The following RAPGEF5 variants were observed in gnomAD, a reference collection of about 807,000 sequenced individuals.
RAPGEF5 encodes the protein Rap guanine nucleotide exchange factor 5.
RAPGEF5 carries 65 observed loss-of-function variants against 125.2 expected under a neutral mutation model. That is an observed-to-expected ratio of 0.52 (90% CI 0.43 to 0.64). The LOEUF is 0.64. Ranked by LOEUF, RAPGEF5 falls within the 30% of genes least tolerant of loss-of-function variation. RAPGEF5 has a pLI of 0.00. For synonymous variants in RAPGEF5, 391 were observed against 385.9 expected (o/e 1.01, Z -0.16); for missense variants, 958 against 1,048.1 (o/e 0.91, Z 1.19).
At chr7:22,190,187 G>A (rs1372573072) in intron 11 of RAPGEF5, among the ~76,000 whole-genome samples, 2 of 152,122 alleles carry the variant, frequency 1.3e-5, no homozygotes, top group African/African-American at 2.4e-5. Context: ...GGCTGAGGCA[G>A]GAGAATCGCT....
intron 13 of RAPGEF5, among the ~76,000 whole-genome samples, chr7:22,161,994 G>C (rs1381652811): frequency 2.6e-5 from 4 of 152,110 alleles, no homozygotes; most frequent in Non-Finnish European, 4.4e-5. Flanking sequence ...ACAAATTATT[G>C]CTTAAAATTC....
At chr7:22,140,253 C>T in intron 20 of RAPGEF5, 138 bp from the exon 21 acceptor site, 1 of 699,894 alleles carries the variant, frequency 1.4e-6, no homozygotes, top group Non-Finnish European at 2.4e-6. Context: ...CCCCTTACTG[C>T]CCTTCAGCTG....
intron 5 of RAPGEF5, among the ~76,000 whole-genome samples, chr7:22,304,655 G>A: frequency 6.6e-6 from 1 of 152,110 alleles, no homozygotes; most frequent in East Asian, 1.9e-4. Flanking sequence ...CATGCACATG[G>A]GATTATGCAC....
intron 1 of RAPGEF5, among the ~76,000 whole-genome samples, chr7:22,339,826 C>T (rs1784092849): frequency 6.6e-6 from 1 of 152,184 alleles, no homozygotes; most frequent in African/African-American, 2.4e-5. Context: ...CATATGTATC[C>T]TTTGACCAAG....
intron 25 of RAPGEF5, among the ~76,000 whole-genome samples, chr7:22,124,712 A>G (rs1255735874): frequency 6.6e-6 from 1 of 152,192 alleles, no homozygotes. Context: ...ATGAAGTTGA[A>G]CTGAGTGGTT....
At position 22,224,522 on chromosome 7, in the gene RAPGEF5, A is replaced by G. The variant is rs1287191984; in HGVS notation, c.871-4531T>C. On this transcript the variant is annotated intron_variant, in intron 8 of 25. Transcript: ENST00000665637. ...TGGCGGTGGAGGGAGGATGCTAATGACCCTCCAAAATGCCAACCTGGAAAC... is the reference window on the plus strand; with the variant it reads ...TGGCGGTGGAGGGAGGATGCTAATGGCCCTCCAAAATGCCAACCTGGAAAC... 2.0e-5 allele frequency among the ~76,000 whole-genome samples: 3 copies of G among 152,000 alleles called. No homozygotes were observed. The East Asian group carries it at 5.8e-4, about 29-fold the overall frequency.
rs541174409 is a variant in RAPGEF5, at chr7:22,225,133, G to A, written c.871-5142C>T. On this transcript the variant is annotated intron_variant, in intron 8 of 25. Transcript: ENST00000665637. ...TGATCACACCAATGCACTCCAGCCT[G>A]GGCAAAAGAGTGAGACTCTGTTTCT... 7.9e-5 allele frequency among the ~76,000 whole-genome samples: 12 copies of A among 152,114 alleles called. No individual in the cohort carries two copies. The South Asian group carries it at 2.5e-3, about 32-fold the overall frequency.
At chr7:22,229,781 T>G (rs1166476751) in intron 8 of RAPGEF5, among the ~76,000 whole-genome samples, 1 of 152,204 alleles carries the variant, frequency 6.6e-6, no homozygotes, top group Non-Finnish European at 1.5e-5. Flanking sequence ...CTGCCTTCCT[T>G]CCTAACCAGC....
intron 9 of RAPGEF5, among the ~76,000 whole-genome samples, chr7:22,206,401 T>C (rs1480640221): frequency 2.6e-5 from 4 of 152,178 alleles, no homozygotes; most frequent in Non-Finnish European, 5.9e-5. Flanking sequence ...ATCACAGCTA[T>C]ATTAAAAAAT....
intron 11 of RAPGEF5, among the ~76,000 whole-genome samples, chr7:22,177,460 C>T (rs1313035856): frequency 6.6e-6 from 1 of 152,210 alleles, no homozygotes; most frequent in Non-Finnish European, 1.5e-5. Flanking sequence ...TCTGGCCATG[C>T]ACCAGGTAGC....
At chr7:22,197,895 G>GGT (rs1554327475) in intron 9 of RAPGEF5, among the ~76,000 whole-genome samples, 2 of 129,434 alleles carry the variant, frequency 1.5e-5, no homozygotes, top group Non-Finnish European at 3.4e-5. Flanking sequence ...TTTTTTTTTG[G>GGT]GGGGGGGTGG....
chr7:22,169,978 T>C (rs1478673745), intron 11 of RAPGEF5, among the ~76,000 whole-genome samples: 1 of 150,874 alleles, frequency 6.6e-6, no homozygotes, highest in East Asian at 1.9e-4. Context: ...GCCACTGCAC[T>C]TTAGCCTGGG....
intron 8 of RAPGEF5, 163 bp from the exon 9 acceptor site, chr7:22,220,154 T>C (rs1785750127): frequency 1.1e-6 from 1 of 879,710 alleles, no homozygotes; most frequent in African/African-American, 1.7e-5. Flanking sequence ...GTTACATTAT[T>C]ATAACCTAAG....
chr7:22,156,934 C>T (rs1351083937), intron 15 of RAPGEF5, 46 bp from the exon 16 acceptor site: 1 of 1,609,958 alleles, frequency 6.2e-7, no homozygotes, highest in South Asian at 1.1e-5. Flanking sequence ...CATTCCTGCC[C>T]TTTGGAAAAC....
intron 6 of RAPGEF5, among the ~76,000 whole-genome samples, chr7:22,286,130 C>A (rs569807458): frequency 1.3e-5 from 2 of 152,174 alleles, no homozygotes; most frequent in African/African-American, 4.8e-5. Context: ...ATGGATAACG[C>A]GTCTGACTAC....
intron 23 of RAPGEF5, among the ~76,000 whole-genome samples, chr7:22,131,868 T>A (rs1187598676): frequency 6.6e-6 from 1 of 152,148 alleles, no homozygotes; most frequent in Non-Finnish European, 1.5e-5. Context: ...GATTTGGAAA[T>A]TAGTTACATT....
chr7:22,145,124 C>T lies in RAPGEF5; in HGVS notation c.2106G>A (p.Trp702Ter), dbSNP rs1232944134. The T allele has an allele frequency of 5.0e-6, 8 of 1,613,702 alleles. No homozygotes were observed. The highest frequency in any genetic ancestry group is 1.3e-5 in the African/African-American group (1 of 74,932). ...LLQRCNEVQLWVATEILLCSQ... is the reference protein window; with the variant it reads ...LLQRCNEVQL ...TGCAGAGCAGAATCTCCGTGGCCACCCAAAGCTGGACCTCATTGCATCTCT... is the reference window on the plus strand; with the variant it reads ...TGCAGAGCAGAATCTCCGTGGCCACTCAAAGCTGGACCTCATTGCATCTCT... The change falls in exon 20 of 26, where the codon TGG becomes TGA. Residue 702 changes from tryptophan to a stop codon, truncating the protein, a stop_gained. Transcript: ENST00000665637. LOFTEE classifies it high-confidence loss of function.
Position 22,118,996 on chromosome 7 carries a change from G to C in RAPGEF5, c.*3410C>G, listed in dbSNP as rs1237232034. 6.9e-6 allele frequency: 1 copy of C among 145,044 alleles called. No homozygotes were observed. The highest frequency in any genetic ancestry group is 2.6e-5 in the African/African-American group (1 of 39,188). 9.0% of individuals were successfully genotyped at this position (145,044 alleles called of 1,614,324 possible). A position where few individuals can be genotyped will look rare whatever the true frequency, so the allele number is the denominator to read the frequency against. ...TTGAAACATTTAAAAGAAATCCTGT[G>C]TTGGACCACTGCGGAAGACCCGATC... On this transcript the variant is annotated 3_prime_UTR_variant, in exon 26 of 26. Coordinates refer to ENST00000665637, the MANE Select transcript of RAPGEF5 (RefSeq NM_012294.5).
chr7:22,315,038 T>C (rs1260196306), intron 3 of RAPGEF5, among the ~76,000 whole-genome samples: 3 of 151,928 alleles, frequency 2.0e-5, no homozygotes, highest in Non-Finnish European at 2.9e-5. Context: ...AAAGAGGGGA[T>C]CTATATTTAT....
Sources: gnomAD v4.1 joint callset for allele counts (sites outside exome capture counted in the v4.1 genomes callset) on GRCh38, gnomAD v4.1.1 for gene constraint, MANE v1.5 for transcripts, NCBI Gene and HGNC (gene_info 2026-07-23, HGNC 2026-07-21) for gene names.